Variants in DCDC1 observed in about 807,000 individuals in gnomAD.
DCDC1 encodes doublecortin domain containing 1.
DCDC1 carries 200 observed loss-of-function variants against 178.3 expected under a neutral mutation model. That is an observed-to-expected ratio of 1.12 (90% confidence interval 1.00 to 1.26). The LOEUF (loss-of-function observed/expected upper bound fraction) is 1.26. Ranked by LOEUF, DCDC1 falls within the 50% of genes most tolerant of loss-of-function variation. The probability of loss-of-function intolerance (pLI) is 0.00; values close to 1 mark genes in which losing one functional copy is unlikely to be tolerated. For synonymous variants in DCDC1, 690 were observed against 604.8 expected (o/e 1.14, Z -2.07); for missense variants, 1,983 against 1,749.2 (o/e 1.13, Z -2.38).
At chr11:30,981,254 A>C (rs1432749707) in intron 20 of DCDC1, among the ~76,000 whole-genome samples, 2 of 152,146 alleles carry the variant, frequency 1.3e-5, no homozygotes, top group Admixed American at 6.6e-5. Flanking sequence ...TCACCATTTG[A>C]GTGATGGGCA....
chr11:31,161,410 A>T (rs1966303933), intron 9 of DCDC1, among the ~76,000 whole-genome samples: 1 of 152,132 alleles, frequency 6.6e-6, no homozygotes, highest in Non-Finnish European at 1.5e-5. Context: ...TCTTTTCTTT[A>T]CCCATCACCT....
chr11:31,076,578 C>G (rs146863077), intron 18 of DCDC1, among the ~76,000 whole-genome samples: 1 of 152,058 alleles, frequency 6.6e-6, no homozygotes, highest in Admixed American at 6.6e-5. Context: ...AACTCCTGGG[C>G]TCAAGCAATC....
chr11:31,050,300 C>T (rs1350368263), intron 20 of DCDC1, among the ~76,000 whole-genome samples: 1 of 152,080 alleles, frequency 6.6e-6, no homozygotes, highest in Non-Finnish European at 1.5e-5. Flanking sequence ...GCACACAACT[C>T]CAGTTACCTG....
chr11:31,350,620 T>C (rs1951022212), intron 1 of DCDC1, among the ~76,000 whole-genome samples: 1 of 152,130 alleles, frequency 6.6e-6, no homozygotes, highest in Non-Finnish European at 1.5e-5. Flanking sequence ...CAACATAAAC[T>C]GTGAAACTGT....
At chr11:31,086,490 G>A (rs533748226) in intron 17 of DCDC1, among the ~76,000 whole-genome samples, 1 of 152,074 alleles carries the variant, frequency 6.6e-6, no homozygotes, top group African/African-American at 2.4e-5. Context: ...CTTGTGTGTG[G>A]CTTGTCTTTT....
At chr11:30,899,720 C>T in intron 33 of DCDC1, 78 bp from the exon 34 acceptor site, 2 of 1,044,390 alleles carry the variant, frequency 1.9e-6, no homozygotes, top group Non-Finnish European at 2.6e-6. Context: ...GAACTTTCTG[C>T]TCAAAGAAAT....
chr11:31,127,631 C>T lies in DCDC1; in HGVS notation c.1323G>A (p.Arg441=), dbSNP rs765786916. Residue 441 remains arginine (R), a synonymous_variant, in exon 11 of 39, where the codon AGG becomes AGA. Transcript: ENST00000684477. ...TAGCTGTCTGCAATTCATCAATCAG[C>T]CTGCTCACCTGAAGGGGTTAAATTA... ...EHHKEQEEVS[R]LIDELQTAIK... 10 of 702,106 alleles carry T rather than the reference C, an allele frequency of 1.4e-5. No homozygotes were observed. The highest frequency in any genetic ancestry group is 8.9e-5 in the South Asian group (6 of 67,534). 43.5% of individuals were successfully genotyped at this position (702,106 alleles called of 1,614,324 possible). A position where few individuals can be genotyped will look rare whatever the true frequency, so the allele number is the denominator to read the frequency against.
chr11:31,104,333 G>C (rs762422364), intron 13 of DCDC1, among the ~76,000 whole-genome samples: 1 of 152,010 alleles, frequency 6.6e-6, no homozygotes, highest in African/African-American at 2.4e-5. Flanking sequence ...CTTAAGACTC[G>C]CTATTTATCT....
chr11:31,250,989 G>C (rs1035857481), intron 8 of DCDC1, among the ~76,000 whole-genome samples: 2 of 152,066 alleles, frequency 1.3e-5, no homozygotes, highest in Non-Finnish European at 2.9e-5. Context: ...TCTTGACCTT[G>C]TGATCCATCC....
chr11:30,965,607 T>TG (rs1027773147), intron 20 of DCDC1, among the ~76,000 whole-genome samples: 4 of 151,732 alleles, frequency 2.6e-5, no homozygotes, highest in African/African-American at 9.7e-5. Flanking sequence ...TTTTTTAATT[T>TG]TTTTTTATTA....
At chr11:31,161,470 G>A (rs190776310) in intron 9 of DCDC1, among the ~76,000 whole-genome samples, 10 of 152,178 alleles carry the variant, frequency 6.6e-5, no homozygotes, top group Non-Finnish European at 1.3e-4. Flanking sequence ...TCTGTCTATC[G>A]CAGTCAACAC....
chr11:30,915,415 T>C, intron 27 of DCDC1, 96 bp downstream of exon 27: 1 of 1,326,190 alleles, frequency 7.5e-7, no homozygotes, highest in Admixed American at 2.1e-5. Flanking sequence ...CCCAGAATTC[T>C]CAGATATAGT....
At chr11:30,938,958 AG>A (rs1305590256) in intron 21 of DCDC1, among the ~76,000 whole-genome samples, 1 of 151,686 alleles carries the variant, frequency 6.6e-6, no homozygotes, top group African/African-American at 2.4e-5. Context: ...CCCTTATTGG[AG>A]GTTTCTTTTA....
chr11:31,119,372 T>A (rs1960466799), intron 11 of DCDC1, among the ~76,000 whole-genome samples: 1 of 152,204 alleles, frequency 6.6e-6, no homozygotes, highest in African/African-American at 2.4e-5. Flanking sequence ...TTTTACTAAC[T>A]GTACCTAAGC....
intron 15 of DCDC1, among the ~76,000 whole-genome samples, chr11:31,097,035 T>C (rs770196560): frequency 1.3e-5 from 2 of 152,256 alleles, no homozygotes; most frequent in African/African-American, 4.8e-5. Flanking sequence ...AAAAACATTT[T>C]TAAGTCTTAC....
chr11:31,137,138 T>C (rs948187140), intron 10 of DCDC1, among the ~76,000 whole-genome samples: 12 of 152,294 alleles, frequency 7.9e-5, no homozygotes, highest in African/African-American at 2.6e-4. Flanking sequence ...TTTAGAAAAC[T>C]TATGAGAAAA....
intron 20 of DCDC1, among the ~76,000 whole-genome samples, chr11:31,012,126 A>G (rs1231174159): frequency 6.6e-6 from 1 of 152,132 alleles, no homozygotes; most frequent in Non-Finnish European, 1.5e-5. Flanking sequence ...CCATGATTAT[A>G]AGTTTCCTGA....
intron 20 of DCDC1, among the ~76,000 whole-genome samples, chr11:31,022,686 T>TGTGTGTGTGTGTGTGG (rs764221163): frequency 6.8e-6 from 1 of 146,568 alleles, no homozygotes; most frequent in African/African-American, 2.5e-5. Context: ...TGTGTGTGTG[T>TGTGTGTGTGTGTGTGG]GGTATGTGTT....
intron 7 of DCDC1, among the ~76,000 whole-genome samples, chr11:31,277,334 A>G (rs1374086837): frequency 1.3e-5 from 2 of 152,112 alleles, no homozygotes; most frequent in African/African-American, 4.8e-5. Flanking sequence ...AGGTATATGG[A>G]CTTTTTTACT....
Sources: gnomAD v4.1 joint callset for allele counts (sites outside exome capture counted in the v4.1 genomes callset) on GRCh38, gnomAD v4.1.1 for gene constraint, MANE v1.5 for transcripts, NCBI Gene and HGNC (gene_info 2026-07-23, HGNC 2026-07-21) for gene names.